Variants in THSD7A observed in about 807,000 individuals in gnomAD.
The protein encoded by THSD7A is thrombospondin type-1 domain-containing protein 7A.
Under a neutral mutation model 231.3 loss-of-function variants are expected in THSD7A, and 96 were observed. That is an observed-to-expected ratio of 0.41 (90% CI 0.35 to 0.49). THSD7A has a LOEUF of 0.49. THSD7A is among the 20% of genes least tolerant of loss of function. The pLI is 0.05. For missense variants in THSD7A, 2,290 were observed against 2,070.2 expected, an observed-to-expected ratio of 1.11 and a Z score of -2.06; for synonymous variants, 940 against 743.3, an observed-to-expected ratio of 1.26 and a Z score of -4.30.
chr7:11,662,443 G>A (rs1421729683), intron 1 of THSD7A, among the ~76,000 whole-genome samples: 1 of 151,182 alleles, frequency 6.6e-6, no homozygotes, highest in African/African-American at 2.4e-5. Flanking sequence ...ATACAGAGAG[G>A]TATACAGTAA....
intron 1 of THSD7A, among the ~76,000 whole-genome samples, chr7:11,769,448 A>C (rs967631548): frequency 6.6e-6 from 1 of 151,936 alleles, no homozygotes; most frequent in African/African-American, 2.4e-5. Flanking sequence ...CTGTAAGGTC[A>C]CCAGTGGGCT....
At chr7:11,683,419 A>G (rs1783944696) in intron 1 of THSD7A, among the ~76,000 whole-genome samples, 2 of 151,994 alleles carry the variant, frequency 1.3e-5, no homozygotes, top group South Asian at 4.1e-4. Flanking sequence ...AATCTATACA[A>G]AAATCAGTGA....
rs766773007 is a variant in THSD7A, at chr7:11,831,014, T to C, written c.190+743A>G. On this transcript the variant is annotated intron_variant, in intron 1 of 27. Coordinates refer to ENST00000423059, the MANE Select transcript of THSD7A (RefSeq NM_015204.3). This position sits in a 1 kb window ranked among gnomAD's most constrained non-coding sequence, Gnocchi z 5.0. ...AGAAAAGGGGTTGGTAATTCCTCAC[T>C]CCGTATTGTTTTCCTGCCTGTCACG... Among the ~76,000 whole-genome samples the C allele has an allele frequency of 2.0e-5, 3 of 152,214 alleles. No homozygotes were observed. The highest frequency in any genetic ancestry group is 4.4e-5 in the Non-Finnish European group (3 of 68,040).
chr7:11,577,201 T>G (rs948047718), intron 4 of THSD7A, among the ~76,000 whole-genome samples: 1 of 152,242 alleles, frequency 6.6e-6, no homozygotes, highest in Non-Finnish European at 1.5e-5. Flanking sequence ...ATAACTGTAT[T>G]TTCACAGTAC....
chr7:11,757,115 T>C (rs1282262132), intron 1 of THSD7A, among the ~76,000 whole-genome samples: 1 of 152,014 alleles, frequency 6.6e-6, no homozygotes, highest in African/African-American at 2.4e-5. Flanking sequence ...TATATATGTA[T>C]TTTTAAATAT....
chr7:11,509,547 A>G (rs1787702215), intron 6 of THSD7A, among the ~76,000 whole-genome samples: 1 of 152,108 alleles, frequency 6.6e-6, no homozygotes, highest in East Asian at 1.9e-4. Context: ...AAATTAAAAG[A>G]TAAGGCCGGG....
At chr7:11,812,086 A>G (rs1420263137) in intron 1 of THSD7A, among the ~76,000 whole-genome samples, 1 of 150,792 alleles carries the variant, frequency 6.6e-6, no homozygotes, top group African/African-American at 2.4e-5. Context: ...CTGAGACTAT[A>G]AAGGAGAAGA....
At chr7:11,602,560 A>G (rs1047962519) in intron 2 of THSD7A, among the ~76,000 whole-genome samples, 1 of 152,104 alleles carries the variant, frequency 6.6e-6, no homozygotes, top group Admixed American at 6.6e-5. Flanking sequence ...TAATGGAAAT[A>G]TCAGATAAAT....
At chr7:11,562,788 GC>G (rs1196709095) in intron 4 of THSD7A, among the ~76,000 whole-genome samples, 1 of 152,048 alleles carries the variant, frequency 6.6e-6, no homozygotes, top group Non-Finnish European at 1.5e-5. Context: ...GCAACTCCCT[GC>G]CATTATGTTA....
intron 1 of THSD7A, among the ~76,000 whole-genome samples, chr7:11,800,456 G>A (rs1784243777): frequency 6.6e-6 from 1 of 152,156 alleles, no homozygotes; most frequent in Non-Finnish European, 1.5e-5. Flanking sequence ...GGCTGAGGCA[G>A]GAGAATCGGT....
At chr7:11,707,415 G>C (rs1238683246) in intron 1 of THSD7A, among the ~76,000 whole-genome samples, 11 of 150,934 alleles carry the variant, frequency 7.3e-5, no homozygotes, top group Admixed American at 7.3e-4. Context: ...AAGTGTGTTG[G>C]TTGCTTGCTG....
intron 25 of THSD7A, 110 bp from the exon 26 acceptor site, chr7:11,379,390 T>G: frequency 9.6e-7 from 1 of 1,046,338 alleles, no homozygotes; most frequent in Non-Finnish European, 1.4e-6. Context: ...GGAATTACTA[T>G]ACATAATTCC....
chr7:11,401,728 AAC>A (rs1783410454), intron 23 of THSD7A, 65 bp downstream of exon 23: 20 of 1,458,484 alleles, frequency 1.4e-5, no homozygotes, highest in Non-Finnish European at 1.7e-5. Flanking sequence ...GTTTATTTTT[AAC>A]AGACTATTTT....
chr7:11,583,835 A>C lies in THSD7A; in HGVS notation c.1453+6625T>G, dbSNP rs78337297. On this transcript the variant is annotated intron_variant, in intron 4 of 27. Transcript: ENST00000423059. Reference sequence around the variant, plus strand: ...TCTTATATTAATTTCTCAGCTTTGCAGTTTTTGGACTCATGGAAGTAAGCA... The same window carrying C: ...TCTTATATTAATTTCTCAGCTTTGCCGTTTTTGGACTCATGGAAGTAAGCA... 9.1e-3 allele frequency among the ~76,000 whole-genome samples: 1,385 copies of C among 152,260 alleles called. 23 individuals carry two copies. Among genetic ancestry groups the C allele is most frequent in the African/African-American group, 0.031 (1,305 of 41,544 alleles).
At chr7:11,570,617 A>T (rs1790582728) in intron 4 of THSD7A, among the ~76,000 whole-genome samples, 1 of 152,268 alleles carries the variant, frequency 6.6e-6, no homozygotes, top group African/African-American at 2.4e-5. Context: ...ACACTCAATT[A>T]TTATGTGTCA....
intron 7 of THSD7A, among the ~76,000 whole-genome samples, chr7:11,477,849 G>A (rs1439519081): frequency 6.6e-6 from 1 of 152,050 alleles, no homozygotes; most frequent in Non-Finnish European, 1.5e-5. Flanking sequence ...CTGCTCTCAG[G>A]TCTTTTCAGT....
At chr7:11,609,688 G>T (rs1217607700) in intron 2 of THSD7A, among the ~76,000 whole-genome samples, 1 of 152,144 alleles carries the variant, frequency 6.6e-6, no homozygotes, top group African/African-American at 2.4e-5. Context: ...GCAGGGAGGT[G>T]GAAGGGACTT....
At chr7:11,515,861 G>C (rs1410510875) in intron 6 of THSD7A, among the ~76,000 whole-genome samples, 1 of 152,138 alleles carries the variant, frequency 6.6e-6, no homozygotes, top group African/African-American at 2.4e-5. Context: ...GAAACAAGGA[G>C]TACTGCTTTG....
chr7:11,769,154 T>TATATATATATATATA (rs1554275711), intron 1 of THSD7A, among the ~76,000 whole-genome samples: 13 of 29,392 alleles, frequency 4.4e-4, no homozygotes, highest in Admixed American at 1.3e-3. Context: ...TATATATATA[T>TATATATATATATATA]TTTTTTTTTT....
Sources: allele counts gnomAD v4.1 joint callset (sites outside exome capture counted in the v4.1 genomes callset), GRCh38; gene constraint gnomAD v4.1.1; non-coding constraint Gnocchi (gnomAD v3.1); transcripts MANE v1.5; gene names NCBI Gene and HGNC (gene_info 2026-07-23, HGNC 2026-07-21).